Variants in SUPV3L1 observed in about 807,000 individuals in gnomAD.
The protein encoded by SUPV3L1 is Suv3 like RNA helicase.
SUPV3L1 carries 35 observed loss-of-function variants against 70.0 expected under a neutral mutation model. That is an observed-to-expected ratio of 0.50 (90% CI 0.38 to 0.66). SUPV3L1 has a LOEUF of 0.66. SUPV3L1 is among the 30% of genes least tolerant of loss of function. The pLI is 0.00. For synonymous variants in SUPV3L1, 364 were observed against 341.9 expected, an observed-to-expected ratio of 1.06 and a Z score of -0.71; for missense variants, 777 against 961.5, an observed-to-expected ratio of 0.81 and a Z score of 2.54.
rs964604662 is a variant in SUPV3L1 at position 69,191,691 on chromosome 10, G to A, written c.778G>A (p.Val260Met). 1 of 1,613,940 alleles carries A rather than the reference G, an allele frequency of 6.2e-7. No individual in the cohort carries two copies. The highest frequency in any genetic ancestry group is 1.3e-5 in the African/African-American group (1 of 74,866). ...TGACTTGGTGACAGGTGAAGAGCGT[G>A]TGACAGTTCAGCCAAATGGGAAACA... ...PCDLVTGEER[V>M]TVQPNGKQAS... Residue 260 changes from valine (V) to methionine (M), a missense_variant, in exon 6 of 15, where the codon GTG becomes ATG. Physicochemically the swap from Val to Met is conservative, Grantham distance 21. Transcript: ENST00000359655.
At chr10:69,193,586 CT>C (rs1842458637) in intron 6 of SUPV3L1, among the ~76,000 whole-genome samples, 1 of 149,734 alleles carries the variant, frequency 6.7e-6, no homozygotes, top group African/African-American at 2.5e-5. Flanking sequence ...TTAAATTTTT[CT>C]TTTGTAGAGA....
rs1842606851 is a variant in SUPV3L1, at chr10:69,198,668, T to C, written c.1204+116T>C. 2.0e-5 allele frequency: 19 copies of C among 936,594 alleles called. No homozygotes were observed. The South Asian group carries it at 3.0e-4, about 15-fold the overall frequency. The allele number at this position is 936,594 out of a possible 1,614,324, so 58.0% of individuals were successfully genotyped here. A position where few individuals can be genotyped will look rare whatever the true frequency, so the allele number is the denominator to read the frequency against. On this transcript the variant is annotated intron_variant, in intron 9 of 14. Transcript: ENST00000359655. ...TGAATTAAGCTGCTTGATGTATTGG[T>C]AATTTGTTAAACGTCATATAAAATA...
rs764097287 is a variant in SUPV3L1 at position 69,208,905 on chromosome 10, C to T, written c.2231C>T (p.Thr744Ile). The T allele has an allele frequency of 1.9e-6, 3 of 1,614,108 alleles. No homozygotes were observed. The highest frequency in any genetic ancestry group is 2.5e-6 in the Non-Finnish European group (3 of 1,180,030). Residue 744 changes from threonine to isoleucine, a missense_variant, in exon 15 of 15, where the codon ACT (threonine) becomes ATT (isoleucine). This residue lies in a region of SUPV3L1 where 619 missense variants were observed against 823.3 expected (regional missense o/e 0.75). Coordinates refer to ENST00000359655, the MANE Select transcript of SUPV3L1 (RefSeq NM_003171.5). ...ASRLVQQGLL[T>I]PDMLKQLEKE... The stretch of plus-strand genomic sequence containing the variant: ...AGATTGGTGCAGCAAGGACTCCTCA[C>T]TCCAGACATGCTGAAACAGCTAGAA...
chr10:69,206,736 C>T (rs1842840196), intron 13 of SUPV3L1, among the ~76,000 whole-genome samples: 1 of 152,076 alleles, frequency 6.6e-6, no homozygotes, highest in Non-Finnish European at 1.5e-5. Context: ...CAGCCAGGTG[C>T]GGTGGCTCAC....
chr10:69,198,071 A>G (rs191180033), intron 8 of SUPV3L1, among the ~76,000 whole-genome samples: 19 of 152,362 alleles, frequency 1.2e-4, no homozygotes, highest in Admixed American at 7.8e-4. Flanking sequence ...TATAAAATGG[A>G]AATAGCAGTT....
intron 6 of SUPV3L1, among the ~76,000 whole-genome samples, chr10:69,194,773 G>T (rs775952050): frequency 2.4e-4 from 37 of 151,928 alleles, no homozygotes; most frequent in South Asian, 2.1e-4. Flanking sequence ...ACACTGTTAG[G>T]AAGATCACTT....
intron 1 of SUPV3L1, chr10:69,182,623 T>A (rs1200448235): frequency 4.8e-5 from 47 of 985,310 alleles, no homozygotes; most frequent in Non-Finnish European, 5.7e-5. Flanking sequence ...TGGTGGAGAA[T>A]CCTTAGATAC....
intron 1 of SUPV3L1, 105 bp downstream of exon 1, chr10:69,180,667 G>A (rs934296146): frequency 1.4e-6 from 2 of 1,474,578 alleles, no homozygotes; most frequent in Admixed American, 3.9e-5. Flanking sequence ...AGGTCCCATC[G>A]AGTGTTGTCA....
chr10:69,199,285 C>T, intron 10 of SUPV3L1, 88 bp downstream of exon 10: 1 of 938,358 alleles, frequency 1.1e-6, no homozygotes, highest in Non-Finnish European at 1.6e-6. Flanking sequence ...GCATTAATGA[C>T]CAAACGCTAT....
At chr10:69,207,689 A>G in intron 13 of SUPV3L1, 104 bp from the exon 14 acceptor site, 1 of 1,358,540 alleles carries the variant, frequency 7.4e-7, no homozygotes, top group Non-Finnish European at 9.9e-7. Flanking sequence ...CTATTGAAAT[A>G]CAACCACAAT....
chr10:69,196,054 T>C (rs1842534797), intron 7 of SUPV3L1, among the ~76,000 whole-genome samples: 2 of 152,214 alleles, frequency 1.3e-5, no homozygotes, highest in African/African-American at 4.8e-5. Context: ...GCTTATTTTT[T>C]ATCTTTTTAA....
In SUPV3L1 at chr10:69,199,843, TTATG is replaced by T. The variant is rs555140004; in HGVS notation, c.1299-433_1299-430del. On this transcript the variant is annotated intron_variant, in intron 10 of 14. Transcript: ENST00000359655. ...AATGTTAAGCCTAAATATTATTTAT[TTATG>T]TATTTATTTATTTCTGAGACAGAGT... Among the ~76,000 whole-genome samples the T allele has an allele frequency of 2.9e-3, 441 of 152,192 alleles. 3 individuals carry two copies. Among genetic ancestry groups the T allele is most frequent in the African/African-American group, 9.2e-3 (383 of 41,526 alleles).
intron 8 of SUPV3L1, 142 bp downstream of exon 8, chr10:69,197,225 C>G: frequency 1.5e-6 from 1 of 657,940 alleles, no homozygotes; most frequent in Non-Finnish European, 2.7e-6. Flanking sequence ...TCAACTAGAC[C>G]ATATATATTT....
intron 5 of SUPV3L1, among the ~76,000 whole-genome samples, chr10:69,189,646 CTTT>C (rs34718589): frequency 3.2e-5 from 4 of 125,044 alleles, no homozygotes; most frequent in African/African-American, 2.9e-5. Context: ...GCTATCAATT[CTTT>C]TTTTTTTTTT....
chr10:69,205,020 C>G (rs1048012892), intron 13 of SUPV3L1, among the ~76,000 whole-genome samples: 5 of 152,206 alleles, frequency 3.3e-5, no homozygotes, highest in Admixed American at 1.3e-4. Context: ...GTCCACCTGC[C>G]TCAGCCTCCC....
In SUPV3L1 at chr10:69,207,874, A is replaced by G. The variant is rs1842874209; in HGVS notation, c.1858A>G (p.Lys620Glu). The G allele has an allele frequency of 1.2e-6, 2 of 1,614,152 alleles. No individual in the cohort carries two copies. The highest frequency in any genetic ancestry group is 1.7e-6 in the Non-Finnish European group (2 of 1,180,026). The change falls in exon 14 of 15, where the codon AAG (lysine) becomes GAG (glutamate). Residue 620 changes from lysine to glutamate, a missense_variant. Lys to Glu is a moderately conservative substitution (Grantham distance 56). This residue lies in a region of SUPV3L1 where 619 missense variants were observed against 823.3 expected (regional missense o/e 0.75). Coordinates refer to ENST00000359655, the MANE Select transcript of SUPV3L1 (RefSeq NM_003171.5). Reference sequence around the variant, plus strand: ...CATCAAATGGCCTTTACTTCCACCTAAGAATATTAAAGACCTCATGGATCT... The same window carrying G: ...CATCAAATGGCCTTTACTTCCACCTGAGAATATTAAAGACCTCATGGATCT... ...RYIKWPLLPP[K>E]NIKDLMDLEA...
Position 69,208,929 on chromosome 10 carries a change from A to G in SUPV3L1, c.2255A>G (p.Glu752Gly), listed in dbSNP as rs1454083602. The change falls in exon 15 of 15, where the codon GAA becomes GGA. Residue 752 changes from glutamate (E) to glycine (G), a missense_variant. Glu to Gly is a moderately conservative substitution (Grantham distance 98). This residue lies in a region of SUPV3L1 where 619 missense variants were observed against 823.3 expected (regional missense o/e 0.75). Transcript: ENST00000359655. ...LLTPDMLKQL[E>G]KEWMTQQTEH... Reference sequence around the variant, plus strand: ...ACTCCAGACATGCTGAAACAGCTAGAAAAAGAGTGGATGACACAACAAACT... The same window carrying G: ...ACTCCAGACATGCTGAAACAGCTAGGAAAAGAGTGGATGACACAACAAACT... 14 of 1,614,182 alleles carry G rather than the reference A, an allele frequency of 8.7e-6. No individual in the cohort carries two copies. The highest frequency in any genetic ancestry group is 1.2e-5 in the Non-Finnish European group (14 of 1,180,030).
chr10:69,185,983 C>G lies in SUPV3L1; in HGVS notation c.272-4C>G. The G allele has an allele frequency of 6.2e-7, 1 of 1,606,280 alleles. No homozygotes were observed. Among genetic ancestry groups the G allele is most frequent in the Non-Finnish European group, 8.5e-7 (1 of 1,174,556 alleles). On this transcript the variant is annotated splice_region_variant and splice_polypyrimidine_tract_variant and intron_variant, in intron 1 of 14. Coordinates refer to ENST00000359655, the MANE Select transcript of SUPV3L1 (RefSeq NM_003171.5). ...AACGTTAAATTTTGACATCTCTCTT[C>G]TAGATGAAGTAAAGAAGGTCTTAGA...
intron 4 of SUPV3L1, among the ~76,000 whole-genome samples, 156 bp downstream of exon 4, chr10:69,187,912 G>A (rs1355112849): frequency 1.3e-5 from 2 of 152,124 alleles, no homozygotes; most frequent in African/African-American, 4.8e-5. Flanking sequence ...ACTCTTTTAG[G>A]CAATTCACTG....
Sources: allele counts gnomAD v4.1 joint callset (sites outside exome capture counted in the v4.1 genomes callset), GRCh38; gene constraint gnomAD v4.1.1; regional missense constraint gnomAD v4.1.1; transcripts MANE v1.5; gene names NCBI Gene and HGNC (gene_info 2026-07-23, HGNC 2026-07-21).